The following FAAH2 variants were observed in gnomAD, a reference collection of about 807,000 sequenced individuals.
The protein encoded by FAAH2 is fatty acid amide hydrolase 2.
FAAH2 carries 60 observed loss-of-function variants against 36.9 expected under a neutral mutation model. The observed-to-expected ratio is 1.63, with a 90% confidence interval of 1.32 to 2.02. The LOEUF is 2.02. FAAH2 is among the 30% of genes most tolerant of loss of function. FAAH2 has a pLI of 0.00. For synonymous variants in FAAH2, 214 were observed against 143.8 expected (o/e 1.49, Z -3.49); for missense variants, 689 against 397.5 (o/e 1.73, Z -6.23).
chrX:57,357,789 G>A (rs2054195406), intron 5 of FAAH2, among the ~76,000 whole-genome samples: 1 of 111,259 alleles, frequency 9.0e-6, no homozygotes, highest in African/African-American at 3.3e-5. Context: ...ATTGCTCAAG[G>A]GTATAGAACC....
At chrX:57,300,104 T>C in intron 2 of FAAH2, among the ~76,000 whole-genome samples, 1 of 111,555 alleles carries the variant, frequency 9.0e-6, no homozygotes, top group East Asian at 2.8e-4. Context: ...TGGAAAAAAC[T>C]ACTTTAAAGT....
At chrX:57,261,176 C>T in the FAAH2 span, among the ~76,000 whole-genome samples, 1 of 111,414 alleles carries the variant, frequency 9.0e-6, no homozygotes, top group East Asian at 2.8e-4. Context: ...TTTTCGTAGA[C>T]CCATGCAGTG....
At chrX:57,471,274 G>A (rs990338846) in intron 10 of FAAH2, among the ~76,000 whole-genome samples, 2 of 111,551 alleles carry the variant, frequency 1.8e-5, no homozygotes, top group Non-Finnish European at 3.8e-5. Context: ...AGGAATAAAG[G>A]GTATTCAATT....
chrX:57,136,946 C>T, the FAAH2 span: 8 of 853,808 alleles, frequency 9.4e-6, no homozygotes, highest in Non-Finnish European at 1.2e-5. Flanking sequence ...GACCAGCACC[C>T]ACTACCCTCC....
chrX:57,219,057 A>G, the FAAH2 span, among the ~76,000 whole-genome samples: 3 of 111,863 alleles, frequency 2.7e-5, no homozygotes, highest in African/African-American at 9.8e-5. Context: ...AAGATAGCAG[A>G]GGCAGAAAAA....
At chrX:57,277,418 G>C in the FAAH2 span, among the ~76,000 whole-genome samples, 3 of 111,581 alleles carry the variant, frequency 2.7e-5, no homozygotes, top group Non-Finnish European at 5.6e-5. Context: ...TTGATGGAAT[G>C]TATCTCAAAA....
the FAAH2 span, among the ~76,000 whole-genome samples, chrX:57,269,202 CAG>C: frequency 1.8e-5 from 2 of 111,600 alleles, no homozygotes; most frequent in Admixed American, 1.9e-4. Flanking sequence ...GCACCCAACA[CAG>C]GAGCATCTCG....
chrX:57,196,129 C>T, the FAAH2 span, among the ~76,000 whole-genome samples: 2 of 111,543 alleles, frequency 1.8e-5, no homozygotes, highest in Admixed American at 1.9e-4. Flanking sequence ...TTTTCTAGTT[C>T]TGTGAAGAAT....
intron 10 of FAAH2, among the ~76,000 whole-genome samples, chrX:57,453,302 A>G (rs1347245272): frequency 1.8e-5 from 2 of 112,807 alleles, no homozygotes; most frequent in Non-Finnish European, 3.7e-5. Context: ...CTAGTTTTCA[A>G]CAAAAATTTA....
At chrX:57,421,855 C>T (rs1361389429) in intron 7 of FAAH2, among the ~76,000 whole-genome samples, 3 of 111,382 alleles carry the variant, frequency 2.7e-5, no homozygotes, top group Non-Finnish European at 5.7e-5. Flanking sequence ...AATGTTTTCC[C>T]AATAAGTCTA....
chrX:57,392,627 A>C, intron 7 of FAAH2: 1 of 735,391 alleles, frequency 1.4e-6, no homozygotes. Flanking sequence ...CTTCTTGAAG[A>C]TGGATGATGA....
intron 10 of FAAH2, among the ~76,000 whole-genome samples, chrX:57,459,240 G>C (rs1021038904): frequency 8.9e-6 from 1 of 112,234 alleles, no homozygotes; most frequent in Non-Finnish European, 1.9e-5. Context: ...AATCAACACA[G>C]CATGGCAAAA....
At chrX:57,424,419 C>G (rs2147088273) in intron 7 of FAAH2, among the ~76,000 whole-genome samples, 1 of 112,015 alleles carries the variant, frequency 8.9e-6, no homozygotes, top group African/African-American at 3.2e-5. Flanking sequence ...GCAACACCTA[C>G]AGCCCTGAAG....
the FAAH2 span, among the ~76,000 whole-genome samples, chrX:57,248,981 T>C: frequency 1.8e-5 from 2 of 109,708 alleles, no homozygotes; most frequent in African/African-American, 3.3e-5. Context: ...TGTACCAAAG[T>C]GTATTTTGCA....
At chrX:57,153,942 C>T in the FAAH2 span, among the ~76,000 whole-genome samples, 1 of 112,189 alleles carries the variant, frequency 8.9e-6, no homozygotes, top group East Asian at 2.8e-4. Flanking sequence ...TGAATATTCC[C>T]CCAAATATGT....
chrX:57,355,453 A>G (rs1441818879), intron 5 of FAAH2, among the ~76,000 whole-genome samples: 1 of 110,855 alleles, frequency 9.0e-6, no homozygotes, highest in Admixed American at 9.6e-5. Flanking sequence ...ATGCCATTCC[A>G]TGTATTTATG....
At chrX:57,227,861 A>T in the FAAH2 span, among the ~76,000 whole-genome samples, 5 of 111,026 alleles carry the variant, frequency 4.5e-5, no homozygotes, top group African/African-American at 1.6e-4. Context: ...AGGTCACTGG[A>T]GTTGTTTACC....
At chrX:57,358,183 AATTGT>A (rs996275954) in intron 5 of FAAH2, among the ~76,000 whole-genome samples, 9 of 110,042 alleles carry the variant, frequency 8.2e-5, no homozygotes, top group African/African-American at 2.0e-4. Flanking sequence ...TTATTTAAAA[AATTGT>A]ATTGTATTTT....
In FAAH2 at chrX:57,292,521, G is replaced by T; in HGVS notation, c.216G>T (p.Gln72His). 8.3e-7 allele frequency: 1 copy of T among 1,209,486 alleles called. No homozygotes were observed. The change falls in exon 2 of 11, where the codon CAG becomes CAT. Residue 72 changes from glutamine to histidine, a missense_variant. Transcript: ENST00000374900. Reference sequence around the variant, plus strand: ...AGGTGAAATGTATAGATGTTGTTCAGGCTTATATCAACAGAATCAAGGACG... The same window carrying T: ...AGGTGAAATGTATAGATGTTGTTCATGCTTATATCAACAGAATCAAGGACG... ...QRKVKCIDVV[Q>H]AYINRIKDVN...
Sources: gnomAD v4.1 joint callset for allele counts (sites outside exome capture counted in the v4.1 genomes callset) on GRCh38, gnomAD v4.1.1 for gene constraint, MANE v1.5 for transcripts, NCBI Gene and HGNC (gene_info 2026-07-23, HGNC 2026-07-21) for gene names.